Variants in FARP2 observed in about 807,000 individuals in gnomAD.
The protein encoded by FARP2 is FERM, ARHGEF and pleckstrin domain-containing protein 2.
FARP2 carries 111 observed loss-of-function variants against 130.5 expected under a neutral mutation model. The observed-to-expected ratio is 0.85, with a 90% CI of 0.73 to 1.00. The LOEUF (loss-of-function observed/expected upper bound fraction) is 1.00. Among genes scored for constraint, FARP2 ranks in the 50% least tolerant of loss-of-function variants. The pLI is 0.00. For synonymous variants in FARP2, 504 were observed against 516.9 expected (o/e 0.98, Z 0.34); for missense variants, 1,385 against 1,346.3 (o/e 1.03, Z -0.45).
intron 25 of FARP2, 57 bp downstream of exon 25, chr2:241,493,093 C>A (rs999335521): frequency 2.2e-5 from 25 of 1,138,804 alleles, no homozygotes; most frequent in African/African-American, 9.1e-5. Context: ...GACACTTAAC[C>A]CTGCTCACCT....
At chr2:241,401,931 A>T (rs954342858) in intron 2 of FARP2, among the ~76,000 whole-genome samples, 1 of 152,094 alleles carries the variant, frequency 6.6e-6, no homozygotes, top group Non-Finnish European at 1.5e-5. Flanking sequence ...CTGGGATTAC[A>T]GGCGTGCACC....
At chr2:241,438,863 C>A (rs571144709) in intron 12 of FARP2, among the ~76,000 whole-genome samples, 5 of 151,972 alleles carry the variant, frequency 3.3e-5, no homozygotes, top group Non-Finnish European at 2.9e-5. Flanking sequence ...ATCTCCTGAC[C>A]CCATGATCCA....
intron 12 of FARP2, among the ~76,000 whole-genome samples, chr2:241,439,936 G>T (rs2063339328): frequency 6.6e-6 from 1 of 152,104 alleles, no homozygotes; most frequent in African/African-American, 2.4e-5. Flanking sequence ...CAGCCTGAGT[G>T]ACAAGAGTGA....
At position 241,411,133 on chromosome 2, in the gene FARP2, G is replaced by C. The variant is rs1407362789; in HGVS notation, c.508+3G>C. ...TCTCACGTCCCATCTCCTGCAGTGT[G>C]AGTATCTCCCCGCCAGCGGGGAGCA... is the stretch of plus-strand genomic sequence containing the variant. On this transcript the variant is annotated splice_donor_region_variant and intron_variant, in intron 6 of 26. Transcript: ENST00000264042. 6.2e-7 allele frequency: 1 copy of C among 1,601,210 alleles called. No individual in the cohort carries two copies. Among genetic ancestry groups the C allele is most frequent in the African/African-American group, 1.3e-5 (1 of 74,718 alleles).
chr2:241,465,351 C>G (rs1400040941), intron 17 of FARP2: 1 of 826,546 alleles, frequency 1.2e-6, no homozygotes, highest in Non-Finnish European at 2.0e-6. Context: ...GTCCCCCCTC[C>G]CCAGGGCAGG....
At chr2:241,487,561 G>A (rs1256748729) in intron 21 of FARP2, among the ~76,000 whole-genome samples, 2 of 151,350 alleles carry the variant, frequency 1.3e-5, no homozygotes, top group Non-Finnish European at 2.9e-5. Context: ...CCAACTACTC[G>A]GGAGGCTAAG....
intron 9 of FARP2, chr2:241,432,366 C>T (rs1386305933): frequency 6.6e-6 from 1 of 152,248 alleles, no homozygotes; most frequent in African/African-American, 2.4e-5. Context: ...TTCAGCGGGT[C>T]TGGGATGAAC....
intron 7 of FARP2, among the ~76,000 whole-genome samples, chr2:241,416,756 A>C (rs963714670): frequency 2.6e-5 from 4 of 152,060 alleles, no homozygotes; most frequent in African/African-American, 9.7e-5. Flanking sequence ...GTCTCTACAA[A>C]CAATTAGCCA....
intron 5 of FARP2, among the ~76,000 whole-genome samples, chr2:241,408,554 AAAG>A (rs1328717355): frequency 2.6e-5 from 4 of 152,136 alleles, no homozygotes; most frequent in Non-Finnish European, 5.9e-5. Flanking sequence ...AAAAAAAAAA[AAAG>A]AAAATATTAA....
rs1284703002 is a variant in FARP2 at position 241,475,015 on chromosome 2, T to C, written c.2132-842T>C. Among the ~76,000 whole-genome samples, 2 of 152,312 alleles carry C rather than the reference T, an allele frequency of 1.3e-5. No individual in the cohort carries two copies. Among genetic ancestry groups the C allele is most frequent in the Middle Eastern group, 3.4e-3 (1 of 294 alleles). ...GTATAACTTTGTGTTTTAAGTTTCC[T>C]GTCCAGATTATAAACTTTCTCTTAT... On this transcript the variant is annotated intron_variant, in intron 18 of 26. Transcript: ENST00000264042. The surrounding 1 kb of genome is among the most constrained non-coding windows in gnomAD (Gnocchi z 4.4).
At position 241,434,349 on chromosome 2, in the gene FARP2, GC is replaced by G. The variant is rs749034626; in HGVS notation, c.1031+32del. The G allele has an allele frequency of 3.3e-6, 5 of 1,532,782 alleles. No individual in the cohort carries two copies. The Admixed American group carries it at 8.9e-5, about 27-fold the overall frequency. The allele number at this position is 1,532,782 out of a possible 1,614,324, so 94.9% of individuals were successfully genotyped here. A position where few individuals can be genotyped will look rare whatever the true frequency, so the allele number is the denominator to read the frequency against. On this transcript the variant is annotated intron_variant, in intron 10 of 26. Transcript: ENST00000264042. ...AGGGGCCATGCCGTGGCTTGCATGG[GC>G]CCCTCACTGGTTTGTAAAGCTGAGA...
chr2:241,468,488 C>G (rs572117524), intron 18 of FARP2, 111 bp downstream of exon 18: 2 of 753,962 alleles, frequency 2.7e-6, no homozygotes, highest in African/African-American at 1.7e-5. Context: ...AGGAGTCCAC[C>G]CCATTAGGGC....
intron 6 of FARP2, 94 bp from the exon 7 acceptor site, chr2:241,413,213 G>T: frequency 1.5e-6 from 1 of 688,114 alleles, no homozygotes; most frequent in South Asian, 2.3e-5. Flanking sequence ...TACAAATTTG[G>T]GATAATTTTT....
rs182868913 is a variant in FARP2 at position 241,439,589 on chromosome 2, A to G, written c.1159-1715A>G. 3.5e-3 allele frequency among the ~76,000 whole-genome samples: 540 copies of G among 152,250 alleles called. 3 individuals carry two copies. Among genetic ancestry groups the G allele is most frequent in the Non-Finnish European group, 4.8e-3 (323 of 67,992 alleles). On this transcript the variant is annotated intron_variant, in intron 12 of 26. Transcript: ENST00000264042. ...CATGATCCGCCCGACTCGGCCTCCC[A>G]AAGTGCTGGGATTACAGGCGTGAGC...
chr2:241,492,796 A>G (rs538386464), intron 24 of FARP2, 133 bp from the exon 25 acceptor site: 3 of 621,004 alleles, frequency 4.8e-6, no homozygotes, highest in African/African-American at 3.7e-5. Flanking sequence ...GCTGCTGTTC[A>G]TAGCAGTCCA....
chr2:241,463,520 A>G (rs770653497), intron 16 of FARP2, 52 bp downstream of exon 16: 2 of 1,579,456 alleles, frequency 1.3e-6, no homozygotes, highest in East Asian at 2.2e-5. Context: ...ACTCATCATC[A>G]CCGCTCTTAG....
In FARP2 at chr2:241,358,190, A is replaced by G. The variant is rs929724667; in HGVS notation, c.-25+1802A>G. ...GGCGACAGAGCGAGACTCTGTCTCA[A>G]AAAAATAAAAAAATAAATAAAAAAA... On this transcript the variant is annotated intron_variant, in intron 1 of 26. Coordinates refer to ENST00000264042, the MANE Select transcript of FARP2 (RefSeq NM_014808.4). Among the ~76,000 whole-genome samples, 5 of 152,370 alleles carry G rather than the reference A, an allele frequency of 3.3e-5. No homozygotes were observed. In the East Asian group the frequency reaches 7.7e-4, roughly 23 times the overall value.
At chr2:241,384,349 T>A (rs1255001736) in intron 2 of FARP2, among the ~76,000 whole-genome samples, 1 of 152,116 alleles carries the variant, frequency 6.6e-6, no homozygotes, top group Non-Finnish European at 1.5e-5. Flanking sequence ...GCCACAGTGG[T>A]AGAGGGGATC....
At chr2:241,442,883 T>G in intron 13 of FARP2, 1 of 240,350 alleles carries the variant, frequency 4.2e-6, no homozygotes, top group Non-Finnish European at 8.3e-6. Flanking sequence ...ATGTTGATCT[T>G]CAATAGAATA....
Sources: gnomAD v4.1 joint callset for allele counts (sites outside exome capture counted in the v4.1 genomes callset) on GRCh38, gnomAD v4.1.1 for gene constraint, Gnocchi (gnomAD v3.1) non-coding constraint, MANE v1.5 for transcripts, NCBI Gene and HGNC (gene_info 2026-07-23, HGNC 2026-07-21) for gene names.